The following FHIT variants were observed in gnomAD, a reference collection of about 807,000 sequenced individuals.
FHIT encodes bis(5'-adenosyl)-triphosphatase.
In FHIT, 19 loss-of-function variants were observed where a neutral mutation model predicts 17.9. That is an observed-to-expected ratio of 1.06 (90% CI 0.74 to 1.56). FHIT has a LOEUF of 1.56. FHIT is among the 40% of genes most tolerant of loss of function. The probability of loss-of-function intolerance (pLI) is 0.00; values close to 1 mark genes in which losing one functional copy is unlikely to be tolerated. For synonymous variants in FHIT, 81 were observed against 69.7 expected (o/e 1.16, Z -0.81); for missense variants, 248 against 189.2 (o/e 1.31, Z -1.82).
chr3:59,994,715 G>A (rs1401614613), intron 7 of FHIT, among the ~76,000 whole-genome samples: 1 of 151,988 alleles, frequency 6.6e-6, no homozygotes, highest in Non-Finnish European at 1.5e-5. Flanking sequence ...AAAGCTGTGT[G>A]GTACCAAATC....
chr3:61,251,045 G>A (rs865979752), intron 1 of FHIT, among the ~76,000 whole-genome samples: 4 of 152,176 alleles, frequency 2.6e-5, no homozygotes, highest in Admixed American at 1.3e-4. Flanking sequence ...GCGTGGCCCC[G>A]TGCCTCAGTT....
chr3:60,421,237 T>A (rs1702454161), intron 5 of FHIT, among the ~76,000 whole-genome samples: 1 of 152,132 alleles, frequency 6.6e-6, no homozygotes, highest in Non-Finnish European at 1.5e-5. Flanking sequence ...TTGCTCCACT[T>A]CAACTGTTTA....
At chr3:60,113,281 C>A (rs1704761880) in intron 5 of FHIT, among the ~76,000 whole-genome samples, 2 of 152,162 alleles carry the variant, frequency 1.3e-5, no homozygotes, top group Admixed American at 6.5e-5. Flanking sequence ...GAAACACATA[C>A]CAAGCATTCA....
chr3:60,317,137 A>G (rs1709196503), intron 5 of FHIT, among the ~76,000 whole-genome samples: 2 of 152,182 alleles, frequency 1.3e-5, no homozygotes, highest in African/African-American at 4.8e-5. Flanking sequence ...CTTAGGTTCA[A>G]ACTGTTACTC....
At chr3:60,928,756 A>G (rs540865247) in intron 3 of FHIT, among the ~76,000 whole-genome samples, 3 of 152,162 alleles carry the variant, frequency 2.0e-5, no homozygotes, top group Non-Finnish European at 4.4e-5. Context: ...CCAGGACCAG[A>G]TGGATTCACA....
At chr3:60,628,957 CCTCT>C (rs1553681742) in intron 4 of FHIT, among the ~76,000 whole-genome samples, 2 of 56,300 alleles carry the variant, frequency 3.6e-5, no homozygotes, top group Non-Finnish European at 8.6e-5. Context: ...TCTCAGCTTG[CCTCT>C]CTCAGCATAG....
chr3:60,767,652 A>G (rs1249606039), intron 4 of FHIT, among the ~76,000 whole-genome samples: 4 of 152,242 alleles, frequency 2.6e-5, no homozygotes, highest in African/African-American at 9.6e-5. Flanking sequence ...CACATGATAG[A>G]TGATCAGATG....
At chr3:60,983,068 T>C (rs1176186591) in intron 3 of FHIT, among the ~76,000 whole-genome samples, 1 of 152,116 alleles carries the variant, frequency 6.6e-6, no homozygotes, top group African/African-American at 2.4e-5. Context: ...CCTTGCCTTC[T>C]TGGACAGATA....
chr3:61,062,067 A>G (rs193243874), intron 2 of FHIT, among the ~76,000 whole-genome samples: 4 of 152,310 alleles, frequency 2.6e-5, no homozygotes, highest in Non-Finnish European at 1.5e-5. Flanking sequence ...ATATAATACT[A>G]TATTGAACCT....
At chr3:59,974,782 A>C (rs1708338367) in intron 7 of FHIT, among the ~76,000 whole-genome samples, 1 of 152,094 alleles carries the variant, frequency 6.6e-6, no homozygotes, top group Non-Finnish European at 1.5e-5. Context: ...TTGCAAAGCT[A>C]CCTAATATTC....
intron 5 of FHIT, among the ~76,000 whole-genome samples, chr3:60,355,477 GA>G (rs530317300): frequency 0.018 from 2,469 of 140,242 alleles, 37 homozygotes; most frequent in African/African-American, 0.048. Context: ...CTTTATTTGA[GA>G]AAAAAAAAAG....
chr3:60,155,839 C>T (rs34902177), intron 5 of FHIT, among the ~76,000 whole-genome samples: 44 of 152,292 alleles, frequency 2.9e-4, no homozygotes, highest in African/African-American at 1.0e-3. Flanking sequence ...CAACCTCCAC[C>T]TCAACCGTCA....
intron 4 of FHIT, among the ~76,000 whole-genome samples, chr3:60,702,042 T>TTA (rs2041260041): frequency 2.0e-5 from 3 of 152,190 alleles, no homozygotes; most frequent in South Asian, 2.1e-4. Flanking sequence ...TTTGTATATT[T>TTA]TATACAGACA....
At chr3:60,842,870 G>A (rs1702788996) in intron 3 of FHIT, among the ~76,000 whole-genome samples, 1 of 151,772 alleles carries the variant, frequency 6.6e-6, no homozygotes, top group Non-Finnish European at 1.5e-5. Context: ...GGAAGACATG[G>A]TTCTTTATAG....
intron 5 of FHIT, among the ~76,000 whole-genome samples, chr3:60,260,788 A>G (rs1237333334): frequency 6.6e-6 from 1 of 152,050 alleles, no homozygotes; most frequent in Non-Finnish European, 1.5e-5. Context: ...GCAGATGCGT[A>G]AAGAAGCTGG....
intron 3 of FHIT, among the ~76,000 whole-genome samples, chr3:60,846,306 A>C (rs1702923115): frequency 2.0e-5 from 3 of 152,250 alleles, no homozygotes; most frequent in Admixed American, 2.0e-4. Flanking sequence ...GCAAGAGCAT[A>C]TGTGAAACAA....
chr3:60,778,223 C>T (rs1700270889), intron 4 of FHIT, among the ~76,000 whole-genome samples: 1 of 152,060 alleles, frequency 6.6e-6, no homozygotes, highest in African/African-American at 2.4e-5. Flanking sequence ...TATAGTAAAC[C>T]ACGGAGATAA....
At chr3:60,982,767 G>A (rs1575793276) in intron 3 of FHIT, among the ~76,000 whole-genome samples, 1 of 152,106 alleles carries the variant, frequency 6.6e-6, no homozygotes, top group Non-Finnish European at 1.5e-5. Context: ...TCCCTTCCAT[G>A]AGACTTTAAT....
intron 5 of FHIT, among the ~76,000 whole-genome samples, chr3:60,067,305 C>T (rs1702558688): frequency 1.3e-5 from 2 of 150,076 alleles, no homozygotes; most frequent in Admixed American, 1.3e-4. Context: ...ATACAACAAT[C>T]TCTTCACAAA....
Sources: gnomAD v4.1 joint callset for allele counts (sites outside exome capture counted in the v4.1 genomes callset) on GRCh38, gnomAD v4.1.1 for gene constraint, MANE v1.5 for transcripts, NCBI Gene and HGNC (gene_info 2026-07-23, HGNC 2026-07-21) for gene names.